The following KPTN variants were observed in gnomAD, a reference collection of about 807,000 sequenced individuals.
KPTN encodes the protein KICSTOR complex protein kaptin.
Under a neutral mutation model 52.6 loss-of-function variants are expected in KPTN, and 36 were observed. The ratio of observed to expected loss-of-function variants is 0.68; its 90% confidence interval spans 0.52 to 0.90. KPTN has a LOEUF of 0.90. KPTN is among the 40% of genes least tolerant of loss of function. The pLI is 0.00. For synonymous variants in KPTN, 271 were observed against 248.4 expected, an observed-to-expected ratio of 1.09 and a Z score of -0.85; for missense variants, 529 against 576.2, an observed-to-expected ratio of 0.92 and a Z score of 0.84.
At chr19:47,480,240 T>G in intron 7 of KPTN, 58 bp downstream of exon 7, 18 of 329,870 alleles carry the variant, frequency 5.5e-5, no homozygotes, top group Non-Finnish European at 1.0e-4. Context: ...AGCCCCACCC[T>G]GGCCCCGCCC....
intron 8 of KPTN, 32 bp downstream of exon 8, chr19:47,479,829 GCT>G: frequency 6.8e-7 from 1 of 1,473,730 alleles, no homozygotes. Context: ...CCTCCCACCC[GCT>G]CTCTCCCCAT....
chr19:47,480,994 C>A lies in KPTN; in HGVS notation c.489G>T (p.Leu163Phe). Residue 163 changes from leucine (L) to phenylalanine (F), a missense_variant, in exon 5 of 12, where the codon TTG (leucine) becomes TTT (phenylalanine). Physicochemically the swap from Leu to Phe is conservative, Grantham distance 22 (BLOSUM62 0). Coordinates refer to ENST00000338134, the MANE Select transcript of KPTN (RefSeq NM_007059.4). Reference sequence around the variant, plus strand: ...GATGAATGGCCGGGTCGTTCCCACTCAAGAGAAACACAGTCTCAAGTTGAT... The same window carrying A: ...GATGAATGGCCGGGTCGTTCCCACTAAAGAGAAACACAGTCTCAAGTTGAT... The part of the protein sequence containing the change: ...VGDQLETVFL[L>F]SGNDPAIHLY... The A allele has an allele frequency of 6.3e-7, 1 of 1,596,534 alleles. No individual in the cohort carries two copies. Among genetic ancestry groups the A allele is most frequent in the East Asian group, 2.3e-5 (1 of 44,234 alleles).
At chr19:47,476,435 C>A in intron 11 of KPTN, 97 bp downstream of exon 11, 1 of 1,036,992 alleles carries the variant, frequency 9.6e-7, no homozygotes, top group East Asian at 2.7e-5. Flanking sequence ...GAACTGCCTC[C>A]CTGAAATGAG....
chr19:47,480,474 C>A, intron 6 of KPTN, 67 bp from the exon 7 acceptor site: 1 of 1,152,944 alleles, frequency 8.7e-7, no homozygotes, highest in South Asian at 1.5e-5. Context: ...CTCTGCCTCC[C>A]CAGGGGCAGC....
intron 1 of KPTN, 153 bp from the exon 2 acceptor site, chr19:47,483,737 T>C: frequency 1.1e-6 from 1 of 910,890 alleles, no homozygotes; most frequent in Non-Finnish European, 1.7e-6. Flanking sequence ...CTAGGGATCC[T>C]GACCTGTAAG....
chr19:47,480,242 G>T (rs1408957715), intron 7 of KPTN, 56 bp downstream of exon 7: 29 of 955,010 alleles, frequency 3.0e-5, no homozygotes, highest in African/African-American at 1.9e-4. Context: ...CCCCACCCTG[G>T]CCCCGCCCTC....
rs1967955711 is a variant in KPTN at position 47,483,368 on chromosome 19, G to C, written c.321C>G (p.Asp107Glu). 6.8e-6 allele frequency: 11 copies of C among 1,613,860 alleles called. No homozygotes were observed. Among genetic ancestry groups the C allele is most frequent in the Non-Finnish European group, 9.3e-6 (11 of 1,179,980 alleles). ...AAATGTTCAGGAAGGGGCTGCCCTT[G>C]TCCCCTGAATCCTGGCGGAGGACAC... ...VGITFIKDSG[D>E]KGSPFLNIYC... Residue 107 changes from aspartate to glutamate, a missense_variant, in exon 3 of 12, where the codon GAC becomes GAG. Physicochemically the swap from Asp to Glu is conservative, Grantham distance 45. Transcript: ENST00000338134.
Position 47,476,721 on chromosome 19 carries a change from G to C in KPTN, c.1000-7C>G. ...ACTTATAACACAGCAGTTCCTGCGG[G>C]GGTGAAGAATCAGGTCACACAGGTT... On this transcript the variant is annotated splice_region_variant and splice_polypyrimidine_tract_variant and intron_variant, in intron 10 of 11. Coordinates refer to ENST00000338134, the MANE Select transcript of KPTN (RefSeq NM_007059.4). 6.2e-7 allele frequency: 1 copy of C among 1,609,832 alleles called. No homozygotes were observed. The highest frequency in any genetic ancestry group is 1.1e-5 in the South Asian group (1 of 90,454).
At chr19:47,477,142 C>T (rs1018269526) in intron 9 of KPTN, among the ~76,000 whole-genome samples, 12 of 152,340 alleles carry the variant, frequency 7.9e-5, no homozygotes, top group African/African-American at 2.6e-4. Context: ...AGCCCTTCAT[C>T]TCGGAGACCA....
At chr19:47,477,583 T>C in intron 9 of KPTN, 123 bp downstream of exon 9, 1 of 632,440 alleles carries the variant, frequency 1.6e-6, no homozygotes, top group South Asian at 1.6e-5. Flanking sequence ...GGGTCACGAG[T>C]ATCTGTACTT....
In KPTN at chr19:47,480,425, G is replaced by C; in HGVS notation, c.600-18C>G. The C allele has an allele frequency of 6.6e-7, 1 of 1,513,314 alleles. No homozygotes were observed. The allele number at this position is 1,513,314 out of a possible 1,614,324, so 93.7% of individuals were successfully genotyped here. A position where few individuals can be genotyped will look rare whatever the true frequency, so the allele number is the denominator to read the frequency against. On this transcript the variant is annotated intron_variant, in intron 6 of 11. Transcript: ENST00000338134. ...AGAGGACGCTGGCGGGCGGGTGGAT[G>C]GACAGGACGGACGGCCATTGCTGGG... is the stretch of plus-strand genomic sequence containing the variant.
upstream of KPTN, chr19:47,484,250 C>A (rs191678241): frequency 3.5e-6 from 5 of 1,427,088 alleles, no homozygotes; most frequent in Admixed American, 1.2e-4. Flanking sequence ...CCGCCGGGTG[C>A]CCGGCCGTTG....
At position 47,480,824 on chromosome 19, in the gene KPTN, GC is replaced by G. The variant is rs1440725489; in HGVS notation, c.534del (p.Leu179CysfsTer16). ...PAIHLYKENE[G>X]LHQFEEQPVE... is the part of the protein sequence containing the mutation. ...ACGGGCTGTTCCTCAAACTGATGCAGCCCCTCGTTCTGGGGAAACCAAGACC... is the reference window on the plus strand; with the variant it reads ...ACGGGCTGTTCCTCAAACTGATGCAGCCCTCGTTCTGGGGAAACCAAGACC... On this transcript the variant is annotated frameshift_variant, in exon 6 of 12. Transcript: ENST00000338134. LOFTEE classifies it high-confidence loss of function. The G allele has an allele frequency of 6.2e-7, 1 of 1,614,012 alleles. No individual in the cohort carries two copies. Among genetic ancestry groups the G allele is most frequent in the Non-Finnish European group, 8.5e-7 (1 of 1,179,994 alleles).
intron 7 of KPTN, 136 bp downstream of exon 7, chr19:47,480,162 C>T: frequency 1.8e-6 from 1 of 553,770 alleles, no homozygotes; most frequent in East Asian, 3.3e-5. Flanking sequence ...TAGCCCCACC[C>T]GGCAAGCCCC....
At chr19:47,484,556 A>C (rs1968014020), upstream of KPTN, 3 of 205,412 alleles carry the variant, frequency 1.5e-5, no homozygotes, top group Admixed American at 1.6e-4. Context: ...CTTTATTAAA[A>C]ATTCGCAAGG....
intron 8 of KPTN, 104 bp from the exon 9 acceptor site, chr19:47,477,885 C>T: frequency 2.8e-6 from 2 of 714,794 alleles, no homozygotes; most frequent in Non-Finnish European, 4.9e-6. Context: ...CATGATAAAA[C>T]CCCGCCTCTA....
chr19:47,475,689 G>T, intron 11 of KPTN, 145 bp from the exon 12 acceptor site: 2 of 935,426 alleles, frequency 2.1e-6, no homozygotes, highest in Non-Finnish European at 3.2e-6. Flanking sequence ...TGTGGGATGG[G>T]AATGGGCCTC....
chr19:47,481,948 C>A (rs1023030444), intron 4 of KPTN, among the ~76,000 whole-genome samples: 2 of 152,196 alleles, frequency 1.3e-5, no homozygotes, highest in East Asian at 1.9e-4. Flanking sequence ...CATTACAGAA[C>A]CTCAGAAGAT....
At chr19:47,482,389 T>C (rs1179687130) in intron 4 of KPTN, among the ~76,000 whole-genome samples, 2 of 147,890 alleles carry the variant, frequency 1.4e-5, no homozygotes, top group African/African-American at 5.0e-5. Context: ...CTCAGGAGGC[T>C]GAGGCAGTAG....
Sources: gnomAD v4.1 joint callset for allele counts (sites outside exome capture counted in the v4.1 genomes callset) on GRCh38, gnomAD v4.1.1 for gene constraint, MANE v1.5 for transcripts, NCBI Gene and HGNC (gene_info 2026-07-23, HGNC 2026-07-21) for gene names.